The following SI variants were observed in gnomAD, a reference collection of about 807,000 sequenced individuals.
SI encodes the protein sucrase-isomaltase.
In SI, 235 loss-of-function variants were observed where a neutral mutation model predicts 253.3. That is an observed-to-expected ratio of 0.93 (90% CI 0.83 to 1.03). The LOEUF (loss-of-function observed/expected upper bound fraction) is 1.03. Ranked by LOEUF, SI falls within the 50% of genes least tolerant of loss-of-function variation. The probability of loss-of-function intolerance (pLI) is 0.00; values close to 1 mark genes in which losing one functional copy is unlikely to be tolerated. For missense variants in SI, 2,442 were observed against 2,211.1 expected (o/e 1.10, Z -2.09); for synonymous variants, 819 against 712.0 (o/e 1.15, Z -2.39).
intron 43 of SI, 53 bp downstream of exon 43, chr3:164,992,124 A>T (rs1576871252): frequency 1.4e-6 from 2 of 1,454,144 alleles, no homozygotes; most frequent in African/African-American, 2.8e-5. Context: ...GCTAGGGCCA[A>T]ACAATTACCC....
chr3:165,025,884 C>T (rs1051910816), intron 25 of SI, among the ~76,000 whole-genome samples: 2 of 151,224 alleles, frequency 1.3e-5, no homozygotes, highest in African/African-American at 4.8e-5. Flanking sequence ...AAAACAGAAC[C>T]TCTTTAAAGC....
chr3:165,074,125 A>G (rs573365017), intron 3 of SI, among the ~76,000 whole-genome samples: 1 of 152,222 alleles, frequency 6.6e-6, no homozygotes, highest in South Asian at 2.1e-4. Context: ...TAATTTTCAT[A>G]AAATGAGTAT....
In SI at chr3:165,017,626, T is replaced by C. The variant is rs142211278; in HGVS notation, c.3681A>G (p.Gln1227=). The change falls in exon 31 of 48, where the codon CAA becomes CAG. Residue 1227 remains glutamine (Q), a synonymous_variant. Transcript: ENST00000264382. ...VMPAYWALGF[Q]LCRYGYANTS... is the part of the protein sequence containing the mutation. ...TATTTGCATATCCATAACGACATAATTGGAATCCCAAAGCCCAATAAGCTG... is the reference window on the plus strand; with the variant it reads ...TATTTGCATATCCATAACGACATAACTGGAATCCCAAAGCCCAATAAGCTG... 1.7e-5 allele frequency: 28 copies of C among 1,612,834 alleles called. No individual in the cohort carries two copies. Among genetic ancestry groups the C allele is most frequent in the African/African-American group, 5.3e-5 (4 of 74,948 alleles).
chr3:165,011,315 T>C (rs1194256811), intron 34 of SI, among the ~76,000 whole-genome samples: 1 of 152,258 alleles, frequency 6.6e-6, no homozygotes, highest in Middle Eastern at 3.4e-3. Context: ...TTTATTTTTG[T>C]TTGTCTGAAG....
At position 165,068,823 on chromosome 3, in the gene SI, CT is replaced by C; in HGVS notation, c.381del (p.Ala128ProfsTer3). ...QDMTTTSIGV[E>X]AKLNRIPSPT... ...GGTGAAGGTATCCTGTTTAATTTGG[CT>C]TCAACTCCTTAAAGAATAAAAAAAA... On this transcript the variant is annotated frameshift_variant, in exon 5 of 48. Coordinates refer to ENST00000264382, the MANE Select transcript of SI (RefSeq NM_001041.4). LOFTEE classifies it high-confidence loss of function. 6.3e-7 allele frequency: 1 copy of C among 1,575,938 alleles called. No homozygotes were observed. Among genetic ancestry groups the C allele is most frequent in the Non-Finnish European group, 8.6e-7 (1 of 1,162,938 alleles).
Position 165,032,692 on chromosome 3 carries a change from T to A in SI, c.2566A>T (p.Asn856Tyr). The change falls in exon 24 of 48, where the codon AAC becomes TAC. Residue 856 changes from asparagine to tyrosine, a missense_variant and splice_region_variant. Coordinates refer to ENST00000264382, the MANE Select transcript of SI (RefSeq NM_001041.4). ...YILYTFSVSN[N>Y]TLDIVCTHSS... Reference sequence around the variant, plus strand: ...TGTGTGCACACAATATCTAATGTGTTCTGAGAAAAATAGTATAAGATATTA... The same window carrying A: ...TGTGTGCACACAATATCTAATGTGTACTGAGAAAAATAGTATAAGATATTA... The A allele has an allele frequency of 6.3e-7, 1 of 1,582,608 alleles. No homozygotes were observed. The highest frequency in any genetic ancestry group is 8.7e-7 in the Non-Finnish European group (1 of 1,153,738).
In SI at chr3:165,047,001, T is replaced by A; in HGVS notation, c.1727A>T (p.Lys576Ile). 2 of 1,604,986 alleles carry A rather than the reference T, an allele frequency of 1.2e-6. No homozygotes were observed. The highest frequency in any genetic ancestry group is 1.7e-6 in the Non-Finnish European group (2 of 1,174,878). ...GAAGCTTCTCTTATTAGGAAAAACT[T>A]TTTGTACAGCTCTAAAAATAAAACC... is the stretch of plus-strand genomic sequence containing the variant. ...MAIATEQAVQ[K>I]VFPNKRSFIL... The change falls in exon 16 of 48, where the codon AAA (lysine) becomes ATA (isoleucine). Residue 576 changes from lysine to isoleucine, a missense_variant. Transcript: ENST00000264382.
chr3:165,083,015 G>C (rs1376689309), upstream of SI, among the ~76,000 whole-genome samples: 1 of 151,824 alleles, frequency 6.6e-6, no homozygotes, highest in Non-Finnish European at 1.5e-5. Context: ...TCTTTGTTCA[G>C]GACACTGGAG....
intron 27 of SI, among the ~76,000 whole-genome samples, chr3:165,020,369 A>T (rs997439849): frequency 6.6e-6 from 1 of 151,760 alleles, no homozygotes; most frequent in Non-Finnish European, 1.5e-5. Context: ...AAGGAAAGTA[A>T]CATGGGCAAG....
At chr3:165,032,789 A>G in intron 23 of SI, 97 bp from the exon 24 acceptor site, 3 of 737,826 alleles carry the variant, frequency 4.1e-6, no homozygotes, top group South Asian at 1.7e-5. Flanking sequence ...GTCATCATCT[A>G]CATCTCTATT....
At chr3:165,052,038 T>G (rs1477525696) in intron 13 of SI, among the ~76,000 whole-genome samples, 1 of 152,034 alleles carries the variant, frequency 6.6e-6, no homozygotes, top group African/African-American at 2.4e-5. Flanking sequence ...TAACCATATT[T>G]TACATAATAC....
chr3:165,079,448 T>C (rs180768568), upstream of SI, among the ~76,000 whole-genome samples: 2 of 151,602 alleles, frequency 1.3e-5, no homozygotes, highest in African/African-American at 4.8e-5. Flanking sequence ...AAACTAAATA[T>C]GAGTCTAAAA....
At chr3:165,054,337 C>T (rs1242058892) in intron 13 of SI, among the ~76,000 whole-genome samples, 1 of 152,000 alleles carries the variant, frequency 6.6e-6, no homozygotes, top group African/African-American at 2.4e-5. Flanking sequence ...ACTACAGATA[C>T]ACAACTTCAT....
intron 16 of SI, among the ~76,000 whole-genome samples, chr3:165,044,110 T>C (rs915925062): frequency 4.6e-5 from 7 of 151,566 alleles, no homozygotes; most frequent in Admixed American, 4.6e-4. Flanking sequence ...ACCTTCAAAC[T>C]ATGTGTATAA....
chr3:164,990,898 T>TAAAA (rs539924822), intron 44 of SI, among the ~76,000 whole-genome samples: 49 of 147,654 alleles, frequency 3.3e-4, no homozygotes, highest in African/African-American at 1.1e-3. Context: ...TAAAGTATAG[T>TAAAA]AAAAAAAAAA....
intron 7 of SI, 149 bp downstream of exon 7, chr3:165,065,111 TC>T (rs1467807458): frequency 1.7e-6 from 1 of 579,022 alleles, no homozygotes; most frequent in Non-Finnish European, 3.0e-6. Context: ...CAATTGTCCC[TC>T]CCAAGCTAAA....
chr3:165,033,282 C>T lies in SI; in HGVS notation c.2565+113G>A, dbSNP rs919921262. On this transcript the variant is annotated intron_variant, in intron 23 of 47. Transcript: ENST00000264382. ...TTGAACAATTTATTTCATTACATTC[C>T]ATTAAAATCTGTAGGCAAATGTAAA... The T allele has an allele frequency of 2.9e-5, 23 of 789,970 alleles. No homozygotes were observed. The South Asian group carries it at 7.3e-4, about 25-fold the overall frequency. 48.9% of individuals were successfully genotyped at this position (789,970 alleles called of 1,614,324 possible).
chr3:165,065,575 C>T (rs1714206544), intron 6 of SI, 143 bp from the exon 7 acceptor site: 1 of 195,414 alleles, frequency 5.1e-6, no homozygotes, highest in African/African-American at 2.4e-5. Flanking sequence ...GCTTTGGTCA[C>T]TTCTTAGAAA....
At position 165,015,965 on chromosome 3, in the gene SI, T is replaced by A. The variant is rs544429384; in HGVS notation, c.3875A>T (p.Tyr1292Phe). ...VDKIRGEGMR[Y>F]IIILDPAISG... is the part of the protein sequence containing the mutation. Reference sequence around the variant, plus strand: ...CCAAGTACTGACCAGGATAATAATGTATCTCATTCCTTCTCCTCTTATTTT... The same window carrying A: ...CCAAGTACTGACCAGGATAATAATGAATCTCATTCCTTCTCCTCTTATTTT... Residue 1292 changes from tyrosine to phenylalanine, a missense_variant, in exon 32 of 48, where the codon TAC becomes TTC. Coordinates refer to ENST00000264382, the MANE Select transcript of SI (RefSeq NM_001041.4). 16 of 1,610,256 alleles carry A rather than the reference T, an allele frequency of 9.9e-6. No homozygotes were observed. The highest frequency in any genetic ancestry group is 1.4e-5 in the Non-Finnish European group (16 of 1,176,626).
Sources: gnomAD v4.1 joint callset for allele counts (sites outside exome capture counted in the v4.1 genomes callset) on GRCh38, gnomAD v4.1.1 for gene constraint, MANE v1.5 for transcripts, NCBI Gene and HGNC (gene_info 2026-07-23, HGNC 2026-07-21) for gene names.